Variants in ADGRL3 observed in about 807,000 individuals in gnomAD.
ADGRL3 encodes adhesion G protein-coupled receptor L3.
A neutral mutation model predicts 153.5 loss-of-function variants in ADGRL3; 62 were observed. The observed-to-expected ratio is 0.40, with a 90% CI of 0.33 to 0.50. The LOEUF (loss-of-function observed/expected upper bound fraction) is 0.50, where lower values mean the gene tolerates loss of function less well. ADGRL3 is among the 20% of genes least tolerant of loss of function. The pLI, the probability that ADGRL3 is intolerant of heterozygous loss-of-function variation, is 0.47. For synonymous variants in ADGRL3, 710 were observed against 672.5 expected (o/e 1.06, Z -0.86); for missense variants, 1,641 against 1,859.4 (o/e 0.88, Z 2.16).
intron 3 of ADGRL3, 33 bp downstream of exon 3, chr4:61,497,381 A>G: frequency 7.0e-7 from 1 of 1,432,186 alleles, no homozygotes; most frequent in Middle Eastern, 1.9e-4. Flanking sequence ...GTAATGCTTA[A>G]TGTTGTCTCA....
rs1159455373 is a variant in ADGRL3 at position 61,312,325 on chromosome 4, A to G, written c.-239-70799A>G. The stretch of plus-strand genomic sequence containing the variant: ...AAGTGAAAAACTATACATATCCTAG[A>G]AAATAACATATGAGAAAATCTAGGT... On this transcript the variant is annotated intron_variant, in intron 1 of 26. Transcript: ENST00000683033. Among the ~76,000 whole-genome samples the G allele has an allele frequency of 3.9e-5, 6 of 152,318 alleles. No homozygotes were observed. The East Asian group carries it at 1.2e-3, about 29-fold the overall frequency.
intron 3 of ADGRL3, among the ~76,000 whole-genome samples, chr4:61,497,584 C>T (rs1405203789): frequency 3.1e-4 from 46 of 147,874 alleles, no homozygotes; most frequent in Non-Finnish European, 3.1e-4. Context: ...GGCACGATCT[C>T]GGCTTACTGC....
chr4:61,635,435 G>A (rs1315755765), intron 5 of ADGRL3, among the ~76,000 whole-genome samples: 1 of 152,108 alleles, frequency 6.6e-6, no homozygotes, highest in East Asian at 1.9e-4. Context: ...CAGGTGTTCT[G>A]GGCCTTTCAA....
At chr4:61,604,234 G>C (rs1384632956) in intron 5 of ADGRL3, among the ~76,000 whole-genome samples, 3 of 152,054 alleles carry the variant, frequency 2.0e-5, no homozygotes, top group Non-Finnish European at 4.4e-5. Flanking sequence ...TTCTGATTTT[G>C]AGCTGAGACC....
intron 9 of ADGRL3, among the ~76,000 whole-genome samples, chr4:61,848,540 A>G (rs1479379626): frequency 6.6e-6 from 1 of 152,048 alleles, no homozygotes; most frequent in African/African-American, 2.4e-5. Context: ...TCTTAATTGA[A>G]TTACATCTAC....
intron 8 of ADGRL3, among the ~76,000 whole-genome samples, chr4:61,790,395 A>G (rs989964734): frequency 3.9e-5 from 6 of 152,172 alleles, no homozygotes; most frequent in African/African-American, 1.4e-4. Context: ...CCCCTAGTGG[A>G]TGCTTGAAAC....
intron 25 of ADGRL3, among the ~76,000 whole-genome samples, chr4:62,048,508 G>T (rs1042575695): frequency 1.3e-5 from 2 of 151,768 alleles, no homozygotes; most frequent in Admixed American, 6.6e-5. Flanking sequence ...TGATCCACCC[G>T]CCTTGGCCTC....
At chr4:61,904,321 C>G (rs913308687) in intron 11 of ADGRL3, among the ~76,000 whole-genome samples, 1 of 150,772 alleles carries the variant, frequency 6.6e-6, no homozygotes, top group Non-Finnish European at 1.5e-5. Flanking sequence ...ATTTGCCTGG[C>G]TATTTTTTGT....
At chr4:61,565,649 T>C (rs1271240013) in intron 4 of ADGRL3, among the ~76,000 whole-genome samples, 1 of 152,150 alleles carries the variant, frequency 6.6e-6, no homozygotes, top group Non-Finnish European at 1.5e-5. Flanking sequence ...GCGATTCTTC[T>C]GCCTCAGCCT....
At chr4:61,537,054 AT>A (rs1228654994) in intron 4 of ADGRL3, among the ~76,000 whole-genome samples, 2 of 151,708 alleles carry the variant, frequency 1.3e-5, no homozygotes, top group African/African-American at 4.8e-5. Context: ...TCCTTTGAGT[AT>A]TTTTTTGTAG....
chr4:61,791,845 CCATGGCCTGAGCTGTA>C (rs771632975), intron 8 of ADGRL3, among the ~76,000 whole-genome samples: 1 of 152,194 alleles, frequency 6.6e-6, no homozygotes, highest in Non-Finnish European at 1.5e-5. Context: ...CCCTCTGAAG[CCATGGCCTGAGCTGTA>C]CATTGGCCCC....
At chr4:61,798,403 A>G (rs2097441286) in intron 8 of ADGRL3, among the ~76,000 whole-genome samples, 1 of 152,092 alleles carries the variant, frequency 6.6e-6, no homozygotes, top group Non-Finnish European at 1.5e-5. Flanking sequence ...GTGTGTCTAC[A>G]TTTACATACA....
At chr4:61,862,308 A>C (rs1561376869) in intron 9 of ADGRL3, among the ~76,000 whole-genome samples, 2 of 152,200 alleles carry the variant, frequency 1.3e-5, no homozygotes, top group Non-Finnish European at 2.9e-5. Flanking sequence ...CTCAAAATAC[A>C]GTCTGCACCC....
chr4:61,536,922 T>A (rs908403749), intron 4 of ADGRL3, among the ~76,000 whole-genome samples: 1 of 152,150 alleles, frequency 6.6e-6, no homozygotes, highest in African/African-American at 2.4e-5. Flanking sequence ...CTTGTCATAG[T>A]GTTGTTAACT....
At chr4:61,416,636 T>G (rs1365231448) in intron 2 of ADGRL3, among the ~76,000 whole-genome samples, 1 of 152,122 alleles carries the variant, frequency 6.6e-6, no homozygotes, top group African/African-American at 2.4e-5. Flanking sequence ...AGTGGATTTT[T>G]TTGTTGTTGT....
chr4:62,015,714 T>C (rs2099208180), intron 21 of ADGRL3, among the ~76,000 whole-genome samples: 3 of 152,146 alleles, frequency 2.0e-5, no homozygotes, highest in Admixed American at 1.3e-4. Context: ...TGTGCCTATT[T>C]GTTTCTACTA....
At chr4:61,821,391 T>C (rs2097755272) in intron 9 of ADGRL3, among the ~76,000 whole-genome samples, 1 of 151,920 alleles carries the variant, frequency 6.6e-6, no homozygotes, top group Non-Finnish European at 1.5e-5. Context: ...AGACAGAGTT[T>C]TGCTCTTGTT....
chr4:61,343,856 A>G (rs1250632779), intron 1 of ADGRL3, among the ~76,000 whole-genome samples: 1 of 152,188 alleles, frequency 6.6e-6, no homozygotes, highest in Non-Finnish European at 1.5e-5. Context: ...GTTCAATTAA[A>G]CACACTTTGG....
In ADGRL3 at chr4:61,892,825, A is replaced by G. The variant is rs779139039; in HGVS notation, c.1650A>G (p.Thr550=). The stretch of plus-strand genomic sequence containing the variant: ...TCGAGGTACTTGATGACATGACCAC[A>G]CACCTTCCATCAGCATCGTCCCAAA... ...PAVEVLDDMT[T]HLPSASSQIP... The change falls in exon 10 of 27, where the codon ACA becomes ACG. Residue 550 remains threonine, a synonymous_variant. Transcript: ENST00000683033. 2 of 1,613,606 alleles carry G rather than the reference A, an allele frequency of 1.2e-6. No individual in the cohort carries two copies. The highest frequency in any genetic ancestry group is 2.2e-5 in the East Asian group (1 of 44,824).
Sources: allele counts gnomAD v4.1 joint callset (sites outside exome capture counted in the v4.1 genomes callset), GRCh38; gene constraint gnomAD v4.1.1; transcripts MANE v1.5; gene names NCBI Gene and HGNC (gene_info 2026-07-23, HGNC 2026-07-21).